The following LHFPL3 variants were observed in gnomAD, a reference collection of about 807,000 sequenced individuals.
LHFPL3 encodes LHFPL tetraspan subfamily member 3, also known as LHFPL tetraspan subfamily member 3 protein.
In LHFPL3, 5 loss-of-function variants were observed where a neutral mutation model predicts 19.3. That is an observed-to-expected ratio of 0.26 (90% CI 0.14 to 0.54). The LOEUF is 0.54. Ranked by LOEUF, LHFPL3 falls within the 20% of genes least tolerant of loss-of-function variation. The probability of loss-of-function intolerance (pLI) is 0.94; values close to 1 mark genes in which losing one functional copy is unlikely to be tolerated. For synonymous variants in LHFPL3, 133 were observed against 126.2 expected, an observed-to-expected ratio of 1.05 and a Z score of -0.36; for missense variants, 249 against 307.4, an observed-to-expected ratio of 0.81 and a Z score of 1.42.
chr7:104,594,338 T>C (rs1017139301), intron 1 of LHFPL3, among the ~76,000 whole-genome samples: 7 of 152,232 alleles, frequency 4.6e-5, no homozygotes, highest in Non-Finnish European at 1.0e-4. Flanking sequence ...TGAAAATTCT[T>C]TCCTTTAAGA....
rs192684376 is a variant in LHFPL3, at chr7:104,692,887, T to C, written c.446-43788T>C. ...AGCTGTGAGAAGAGGGCTGTGATCC[T>C]CCAGACCCCAAAATGGTAGATCCAC... On this transcript the variant is annotated intron_variant, in intron 1 of 2. Coordinates refer to ENST00000424859, the MANE Select transcript of LHFPL3 (RefSeq NM_199000.3). Among the ~76,000 whole-genome samples the C allele has an allele frequency of 2.3e-3, 354 of 152,234 alleles. 3 individuals are homozygous for C. Among genetic ancestry groups the C allele is most frequent in the African/African-American group, 7.9e-3 (330 of 41,558 alleles).
At chr7:104,888,134 G>A (rs537115797) in intron 2 of LHFPL3, among the ~76,000 whole-genome samples, 1 of 152,168 alleles carries the variant, frequency 6.6e-6, no homozygotes, top group Admixed American at 6.5e-5. Context: ...CTCACTCAGG[G>A]GACCACAATA....
At chr7:104,611,612 T>C (rs572167824) in intron 1 of LHFPL3, among the ~76,000 whole-genome samples, 1 of 152,158 alleles carries the variant, frequency 6.6e-6, no homozygotes, top group South Asian at 2.1e-4. Context: ...AAAAGGGAAA[T>C]GGAAAAAGAA....
chr7:104,511,021 C>G (rs1011414646), intron 1 of LHFPL3, among the ~76,000 whole-genome samples: 1 of 151,904 alleles, frequency 6.6e-6, no homozygotes, highest in Non-Finnish European at 1.5e-5. Flanking sequence ...ATCTTTATAA[C>G]AAACCTGCAC....
chr7:104,380,565 T>A (rs1321571412), intron 1 of LHFPL3, among the ~76,000 whole-genome samples: 1 of 152,142 alleles, frequency 6.6e-6, no homozygotes, highest in Non-Finnish European at 1.5e-5. Flanking sequence ...ATATCTGGGA[T>A]ATTTTTGAGT....
chr7:104,440,184 A>T (rs1184469692), intron 1 of LHFPL3, among the ~76,000 whole-genome samples: 1 of 151,048 alleles, frequency 6.6e-6, no homozygotes, highest in Non-Finnish European at 1.5e-5. Flanking sequence ...TAATAATAAT[A>T]AAAAAATACA....
chr7:104,502,778 G>A (rs996541759), intron 1 of LHFPL3, among the ~76,000 whole-genome samples: 2 of 152,138 alleles, frequency 1.3e-5, no homozygotes, highest in Admixed American at 6.5e-5. Context: ...TGTCGGTATT[G>A]TTAGGGCATA....
chr7:104,495,857 T>A (rs1244479888), intron 1 of LHFPL3, among the ~76,000 whole-genome samples: 1 of 152,200 alleles, frequency 6.6e-6, no homozygotes, highest in Non-Finnish European at 1.5e-5. Flanking sequence ...TTTGTTTTGT[T>A]CTCAATACAT....
intron 1 of LHFPL3, among the ~76,000 whole-genome samples, chr7:104,332,232 T>C (rs996119814): frequency 8.1e-5 from 11 of 135,152 alleles, no homozygotes; most frequent in Non-Finnish European, 1.3e-4. Flanking sequence ...TCTTTTTTTT[T>C]TTTTTTTTTT....
chr7:104,354,740 T>G (rs895806694), intron 1 of LHFPL3, among the ~76,000 whole-genome samples: 2 of 152,196 alleles, frequency 1.3e-5, no homozygotes, highest in African/African-American at 4.8e-5. Flanking sequence ...CTCTCTAGAC[T>G]AGCATTGTTC....
intron 1 of LHFPL3, among the ~76,000 whole-genome samples, chr7:104,521,393 G>A (rs1794059289): frequency 6.6e-6 from 1 of 152,180 alleles, no homozygotes; most frequent in Admixed American, 6.5e-5. Flanking sequence ...TTGAATAGGT[G>A]TGGTGTGGTG....
chr7:104,624,719 T>A (rs148853721), intron 1 of LHFPL3, among the ~76,000 whole-genome samples: 13 of 152,362 alleles, frequency 8.5e-5, no homozygotes, highest in African/African-American at 3.1e-4. Flanking sequence ...TGTGCAGGAC[T>A]ATTTAGTGGT....
rs71153196 is a variant in LHFPL3, at chr7:104,424,983, T to TAAAAAAAAAAAAAAAAAA, written c.445+95764_445+95781dup. 2.0e-4 allele frequency among the ~76,000 whole-genome samples: 13 copies of TAAAAAAAAAAAAAAAAAA among 65,152 alleles called. No homozygotes were observed. The East Asian group carries it at 2.1e-3, about 10-fold the overall frequency. 42.7% of individuals were successfully genotyped at this position (65,152 alleles called of 152,430 possible). ...GGCGACAGAGTGAGACTCCATCTCATAAAAAAAAAAAAAAAAAAAAAAGAA... is the reference window on the plus strand; with the variant it reads ...GGCGACAGAGTGAGACTCCATCTCATAAAAAAAAAAAAAAAAAAAAAAAAAAAAAAAAAAAAAAAAGAA... On this transcript the variant is annotated intron_variant, in intron 1 of 2. Coordinates refer to ENST00000424859, the MANE Select transcript of LHFPL3 (RefSeq NM_199000.3).
intron 1 of LHFPL3, among the ~76,000 whole-genome samples, chr7:104,581,540 C>A (rs930605991): frequency 1.3e-5 from 2 of 151,878 alleles, no homozygotes; most frequent in African/African-American, 4.8e-5. Flanking sequence ...TTATTTTATG[C>A]CTACTATGCA....
intron 1 of LHFPL3, among the ~76,000 whole-genome samples, chr7:104,661,696 T>C (rs1045894620): frequency 6.6e-6 from 1 of 152,314 alleles, no homozygotes; most frequent in Middle Eastern, 3.4e-3. Context: ...CCAAACTAGA[T>C]AGACCATGCA....
In LHFPL3 at chr7:104,818,350, C is replaced by G. The variant is rs113482069; in HGVS notation, c.682+81439C>G. Reference sequence around the variant, plus strand: ...GGAATTCTTTGCCCACCTAAGGCAACTGACTTTAAGGCAACTGGCTTGGGC... The same window carrying G: ...GGAATTCTTTGCCCACCTAAGGCAAGTGACTTTAAGGCAACTGGCTTGGGC... On this transcript the variant is annotated intron_variant, in intron 2 of 2. Transcript: ENST00000424859. 2.0e-5 allele frequency among the ~76,000 whole-genome samples: 3 copies of G among 150,024 alleles called. 1 individual carries two copies. Among genetic ancestry groups the G allele is most frequent in the African/African-American group, 7.4e-5 (3 of 40,628 alleles).
chr7:104,504,303 T>A (rs569774333), intron 1 of LHFPL3, among the ~76,000 whole-genome samples: 61 of 152,356 alleles, frequency 4.0e-4, no homozygotes, highest in African/African-American at 1.4e-3. Flanking sequence ...TAAGTCATTG[T>A]CAATCACGTA....
At chr7:104,338,930 A>G (rs183164682) in intron 1 of LHFPL3, among the ~76,000 whole-genome samples, 5 of 152,280 alleles carry the variant, frequency 3.3e-5, no homozygotes, top group African/African-American at 1.2e-4. Context: ...ATCACTTAAC[A>G]TACTCTTCTC....
intron 1 of LHFPL3, among the ~76,000 whole-genome samples, chr7:104,449,366 G>C (rs1400302887): frequency 6.6e-6 from 1 of 152,138 alleles, no homozygotes; most frequent in Non-Finnish European, 1.5e-5. Flanking sequence ...TCCTTTGATA[G>C]CAAGGTACAT....
Sources: gnomAD v4.1 joint callset for allele counts (sites outside exome capture counted in the v4.1 genomes callset) on GRCh38, gnomAD v4.1.1 for gene constraint, MANE v1.5 for transcripts, NCBI Gene and HGNC (gene_info 2026-07-23, HGNC 2026-07-21) for gene names.